Variants in B3GALT1 observed in about 807,000 individuals in gnomAD.
B3GALT1 encodes UDP-Gal:betaGlcNAc beta 1,3-galactosyltransferase, polypeptide 1.
A neutral mutation model predicts 23.2 loss-of-function variants in B3GALT1; 10 were observed. That is an observed-to-expected ratio of 0.43 (90% CI 0.27 to 0.73). The LOEUF (loss-of-function observed/expected upper bound fraction) is 0.73. Among genes scored for constraint, B3GALT1 ranks in the 30% least tolerant of loss-of-function variants. B3GALT1 has a pLI of 0.21. For missense variants in B3GALT1, 299 were observed against 405.4 expected (o/e 0.74, Z 2.25); for synonymous variants, 156 against 141.5 (o/e 1.10, Z -0.73).
intron 1 of B3GALT1, among the ~76,000 whole-genome samples, chr2:167,386,359 T>C (rs1697930003): frequency 6.6e-6 from 1 of 152,148 alleles, no homozygotes; most frequent in African/African-American, 2.4e-5. Flanking sequence ...ATAGTGGTAT[T>C]AATTTTATGG....
intron 1 of B3GALT1, among the ~76,000 whole-genome samples, chr2:167,371,531 T>C (rs768742990): frequency 1.6e-4 from 25 of 152,166 alleles, no homozygotes; most frequent in Non-Finnish European, 2.9e-4. Context: ...TTTATTAAGA[T>C]TATTGACAGC....
intron 3 of B3GALT1, among the ~76,000 whole-genome samples, chr2:167,733,570 AACAAATT>A (rs1687443731): frequency 6.6e-6 from 1 of 152,134 alleles, no homozygotes; most frequent in Non-Finnish European, 1.5e-5. Flanking sequence ...CAATTTCTAA[AACAAATT>A]GCCTACAATT....
chr2:167,548,959 A>T (rs1456718685), intron 2 of B3GALT1, among the ~76,000 whole-genome samples: 1 of 152,126 alleles, frequency 6.6e-6, no homozygotes, highest in African/African-American at 2.4e-5. Context: ...GTATTAATCT[A>T]CAATCCATAT....
At chr2:167,599,649 G>C (rs765547016) in intron 2 of B3GALT1, among the ~76,000 whole-genome samples, 1 of 152,182 alleles carries the variant, frequency 6.6e-6, no homozygotes, top group Non-Finnish European at 1.5e-5. Flanking sequence ...CTATGTGTCA[G>C]TTTGTCAGTT....
At chr2:167,577,017 A>G (rs558029388) in intron 2 of B3GALT1, among the ~76,000 whole-genome samples, 1 of 151,820 alleles carries the variant, frequency 6.6e-6, no homozygotes, top group South Asian at 2.1e-4. Flanking sequence ...GTACTCTAGG[A>G]CTTTCATCAC....
chr2:167,830,119 T>G, intron 4 of B3GALT1, among the ~76,000 whole-genome samples: 1 of 152,212 alleles, frequency 6.6e-6, no homozygotes. Context: ...CTCTCTGTCG[T>G]TCTCGCCAAT....
At chr2:167,581,482 A>G (rs1371863169) in intron 2 of B3GALT1, among the ~76,000 whole-genome samples, 1 of 152,202 alleles carries the variant, frequency 6.6e-6, no homozygotes, top group African/African-American at 2.4e-5. Context: ...TGAAAATACA[A>G]CTGAAACAGA....
intron 3 of B3GALT1, among the ~76,000 whole-genome samples, chr2:167,660,188 T>C (rs1417555359): frequency 1.3e-5 from 2 of 152,212 alleles, no homozygotes; most frequent in South Asian, 2.1e-4. Flanking sequence ...CATTGAGAGC[T>C]GTATCTTTTC....
chr2:167,518,717 G>T (rs1670868339), intron 2 of B3GALT1, among the ~76,000 whole-genome samples: 1 of 152,170 alleles, frequency 6.6e-6, no homozygotes, highest in Non-Finnish European at 1.5e-5. Context: ...CTATTTGTTA[G>T]AACTTCAATG....
At chr2:167,541,205 C>T (rs1474447486) in intron 2 of B3GALT1, among the ~76,000 whole-genome samples, 2 of 151,996 alleles carry the variant, frequency 1.3e-5, no homozygotes, top group Non-Finnish European at 2.9e-5. Context: ...CTGATTTTAC[C>T]GATCATATGA....
At chr2:167,707,090 C>T (rs1686976900) in intron 3 of B3GALT1, among the ~76,000 whole-genome samples, 1 of 152,210 alleles carries the variant, frequency 6.6e-6, no homozygotes, top group African/African-American at 2.4e-5. Context: ...ACAGCCCCAG[C>T]TGAGCTTCCC....
intron 2 of B3GALT1, among the ~76,000 whole-genome samples, chr2:167,625,287 A>G (rs1685321985): frequency 1.3e-5 from 2 of 151,946 alleles, no homozygotes; most frequent in South Asian, 4.1e-4. Context: ...ATAAAAATGG[A>G]TGGCTAACCT....
At chr2:167,566,000 G>C (rs1173836299) in intron 2 of B3GALT1, among the ~76,000 whole-genome samples, 1 of 151,938 alleles carries the variant, frequency 6.6e-6, no homozygotes, top group Non-Finnish European at 1.5e-5. Flanking sequence ...CCCATGACTG[G>C]GTATATACCC....
chr2:167,515,166 A>G (rs1227738685), intron 2 of B3GALT1, among the ~76,000 whole-genome samples: 1 of 152,162 alleles, frequency 6.6e-6, no homozygotes, highest in Non-Finnish European at 1.5e-5. Context: ...GGGAAACAAA[A>G]ATAATGTTTT....
In B3GALT1 at chr2:167,869,614, T is replaced by G. The variant is rs1690302497; in HGVS notation, c.575T>G (p.Leu192Arg). The G allele has an allele frequency of 1.2e-6, 2 of 1,614,104 alleles. No individual in the cohort carries two copies. Among genetic ancestry groups the G allele is most frequent in the Non-Finnish European group, 1.7e-6 (2 of 1,180,044 alleles). Residue 192 changes from leucine (L) to arginine (R), a missense_variant, in exon 5 of 5, where the codon CTG becomes CGG. Leu to Arg is a moderately radical substitution (Grantham distance 102, BLOSUM62 -2). This residue lies in a region of B3GALT1 where 133 missense variants were observed against 204.8 expected (regional missense o/e 0.65). Transcript: ENST00000392690. This position sits in a 1 kb window ranked among gnomAD's most constrained non-coding sequence, Gnocchi z 6.4. Reference protein sequence around the residue: ...VNMDNLIYKLLKPSTKPRRRY... With the variant: ...VNMDNLIYKLRKPSTKPRRRY... Reference sequence around the variant, plus strand: ...ATGGACAATCTTATTTATAAATTACTGAAACCCTCCACCAAGCCACGAAGA... The same window carrying G: ...ATGGACAATCTTATTTATAAATTACGGAAACCCTCCACCAAGCCACGAAGA...
intron 1 of B3GALT1, among the ~76,000 whole-genome samples, chr2:167,363,570 C>T (rs1034502515): frequency 7.9e-5 from 12 of 152,234 alleles, no homozygotes; most frequent in South Asian, 2.1e-4. Context: ...CACCTCCTTG[C>T]CTGTGGCATA....
intron 3 of B3GALT1, among the ~76,000 whole-genome samples, chr2:167,673,737 A>ACATAACAGACTACATAACAGTAGAAT (rs1686374917): frequency 6.6e-6 from 1 of 152,094 alleles, no homozygotes; most frequent in East Asian, 1.9e-4. Flanking sequence ...CATAACAGTT[A>ACATAACAGACTACATAACAGTAGAAT]AAAAATTATC....
chr2:167,293,983 A>G (rs1696302746), intron 1 of B3GALT1, among the ~76,000 whole-genome samples: 1 of 152,102 alleles, frequency 6.6e-6, no homozygotes, highest in Non-Finnish European at 1.5e-5. Context: ...GGCGACTTTT[A>G]GGTGTCTGAA....
chr2:167,454,722 T>C (rs2105322060), intron 1 of B3GALT1, among the ~76,000 whole-genome samples: 1 of 152,274 alleles, frequency 6.6e-6, no homozygotes, highest in African/African-American at 2.4e-5. Context: ...CCATCTGTTA[T>C]CTCCTTTGCT....
Sources: gnomAD v4.1 joint callset for allele counts (sites outside exome capture counted in the v4.1 genomes callset) on GRCh38, gnomAD v4.1.1 for gene constraint, gnomAD v4.1.1 regional missense constraint, Gnocchi (gnomAD v3.1) non-coding constraint, MANE v1.5 for transcripts, NCBI Gene and HGNC (gene_info 2026-07-23, HGNC 2026-07-21) for gene names.